Variants in CNTN4 observed in about 807,000 individuals in gnomAD.
The protein encoded by CNTN4 is contactin-4.
In CNTN4, 77 loss-of-function variants were observed where a neutral mutation model predicts 122.5. That is an observed-to-expected ratio of 0.63 (90% confidence interval 0.52 to 0.76). The LOEUF is 0.76. Among genes scored for constraint, CNTN4 ranks in the 30% least tolerant of loss-of-function variants. The probability of loss-of-function intolerance (pLI) is 0.00; values close to 1 mark genes in which losing one functional copy is unlikely to be tolerated. For missense variants in CNTN4, 1,256 were observed against 1,259.1 expected, an observed-to-expected ratio of 1.00 and a Z score of 0.04; for synonymous variants, 512 against 447.0, an observed-to-expected ratio of 1.15 and a Z score of -1.83.
At chr3:2,946,686 C>T (rs1035088140) in intron 13 of CNTN4, among the ~76,000 whole-genome samples, 3 of 148,382 alleles carry the variant, frequency 2.0e-5, no homozygotes, top group Admixed American at 6.9e-5. Context: ...CTGCAACAGA[C>T]AGCTTGCTTT....
At chr3:2,821,665 C>T (rs532567028) in intron 7 of CNTN4, among the ~76,000 whole-genome samples, 4 of 152,158 alleles carry the variant, frequency 2.6e-5, no homozygotes, top group South Asian at 2.1e-4. Context: ...AAAGGAACTA[C>T]GATGACTAAA....
intron 2 of CNTN4, among the ~76,000 whole-genome samples, chr3:2,117,052 C>T (rs1009819619): frequency 1.4e-4 from 22 of 152,212 alleles, no homozygotes; most frequent in Non-Finnish European, 3.1e-4. Context: ...AGTACTGACA[C>T]TCTCTACTTA....
chr3:2,152,891 C>T lies in CNTN4; in HGVS notation c.-145+52252C>T, dbSNP rs967388273. ...AAGAGCTTTCCTGGGGCAGACGTTG[C>T]CCTCTTAGCCTGGACCCCAAGTGAA... On this transcript the variant is annotated intron_variant, in intron 2 of 24. Transcript: ENST00000418658. Among the ~76,000 whole-genome samples, 11 of 152,274 alleles carry T rather than the reference C, an allele frequency of 7.2e-5. No homozygotes were observed. The East Asian group carries it at 2.1e-3, about 29-fold the overall frequency.
chr3:2,864,163 G>A (rs1050557421), intron 7 of CNTN4, among the ~76,000 whole-genome samples: 4 of 152,020 alleles, frequency 2.6e-5, no homozygotes, highest in African/African-American at 4.8e-5. Flanking sequence ...TCACATAATC[G>A]GTTGCTCACC....
chr3:2,495,544 A>G (rs1268473084), intron 3 of CNTN4, among the ~76,000 whole-genome samples: 1 of 152,168 alleles, frequency 6.6e-6, no homozygotes, highest in African/African-American at 2.4e-5. Flanking sequence ...GCCTGTTAGG[A>G]ACCTGGCTGC....
chr3:2,809,662 G>A (rs1019903156), intron 6 of CNTN4, among the ~76,000 whole-genome samples: 2 of 152,204 alleles, frequency 1.3e-5, no homozygotes, highest in Non-Finnish European at 2.9e-5. Context: ...TATGAGAAAA[G>A]AGATGAGCTC....
chr3:2,597,534 A>G (rs2080827552), intron 4 of CNTN4, among the ~76,000 whole-genome samples: 1 of 152,188 alleles, frequency 6.6e-6, no homozygotes, highest in South Asian at 2.1e-4. Flanking sequence ...GAGCTCTAGC[A>G]ACATGATGCA....
chr3:2,653,299 T>C (rs2083447387), intron 4 of CNTN4, among the ~76,000 whole-genome samples: 1 of 152,204 alleles, frequency 6.6e-6, no homozygotes, highest in Non-Finnish European at 1.5e-5. Context: ...TTTTAAATTC[T>C]CTTTTAAACT....
At chr3:2,735,542 G>C (rs1211434535) in intron 4 of CNTN4, among the ~76,000 whole-genome samples, 1 of 152,190 alleles carries the variant, frequency 6.6e-6, no homozygotes, top group African/African-American at 2.4e-5. Context: ...ACCTGTTATA[G>C]ACCAGTTTGG....
At chr3:2,407,083 C>A (rs900111656) in intron 3 of CNTN4, among the ~76,000 whole-genome samples, 1 of 152,164 alleles carries the variant, frequency 6.6e-6, no homozygotes, top group South Asian at 2.1e-4. Flanking sequence ...GTCTAACTCA[C>A]ATATTGAAGT....
At chr3:2,312,654 A>G (rs1412405444) in intron 2 of CNTN4, among the ~76,000 whole-genome samples, 1 of 152,148 alleles carries the variant, frequency 6.6e-6, no homozygotes, top group Non-Finnish European at 1.5e-5. Context: ...GCGTTTTGGA[A>G]TACTTGTGCT....
In CNTN4 at chr3:3,053,944, C is replaced by T. The variant is rs982190349; in HGVS notation, c.2949C>T (p.Ser983=). ...TCAGCGACGGAGGAGATGGCAGCAGCAGTGAACAAATTCGAATTCCAAAGA... is the reference window on the plus strand; with the variant it reads ...TCAGCGACGGAGGAGATGGCAGCAGTAGTGAACAAATTCGAATTCCAAAGA... ...KPFSDGGDGS[S]SEQIRIPKIS... The change falls in exon 24 of 25, where the codon AGC becomes AGT. Residue 983 remains serine, a synonymous_variant. Coordinates refer to ENST00000418658, the MANE Select transcript of CNTN4 (RefSeq NM_175607.3). 2 of 1,614,174 alleles carry T rather than the reference C, an allele frequency of 1.2e-6. No homozygotes were observed. Among genetic ancestry groups the T allele is most frequent in the Non-Finnish European group, 1.7e-6 (2 of 1,180,018 alleles).
At chr3:2,534,080 C>A (rs2077704624) in intron 3 of CNTN4, among the ~76,000 whole-genome samples, 2 of 151,900 alleles carry the variant, frequency 1.3e-5, no homozygotes, top group Admixed American at 6.6e-5. Context: ...ATGGTTGTTT[C>A]TTTTGTTGTG....
chr3:2,539,884 A>C (rs895847358), intron 3 of CNTN4, among the ~76,000 whole-genome samples: 3 of 152,030 alleles, frequency 2.0e-5, no homozygotes, highest in African/African-American at 7.2e-5. Flanking sequence ...CATACTATAA[A>C]ATGCCGGTGA....
chr3:2,913,359 T>C (rs1028972371), intron 12 of CNTN4, among the ~76,000 whole-genome samples: 5 of 152,160 alleles, frequency 3.3e-5, no homozygotes. Context: ...TTAAAAGATA[T>C]AGCTTGACTG....
intron 2 of CNTN4, among the ~76,000 whole-genome samples, chr3:2,129,977 C>G (rs182957841): frequency 6.6e-6 from 1 of 151,986 alleles, no homozygotes; most frequent in Admixed American, 6.6e-5. Context: ...GTTGCTTGCA[C>G]CCAAAACTAT....
chr3:2,930,253 A>G (rs1010017925), intron 13 of CNTN4, among the ~76,000 whole-genome samples: 11 of 152,146 alleles, frequency 7.2e-5, no homozygotes, highest in South Asian at 2.1e-4. Context: ...AGCGGTTTTA[A>G]TAAGGGAAAA....
intron 8 of CNTN4, among the ~76,000 whole-genome samples, chr3:2,879,346 T>G (rs148000729): frequency 1.2e-3 from 189 of 152,332 alleles, no homozygotes; most frequent in African/African-American, 4.2e-3. Flanking sequence ...TGTCAACACC[T>G]TTATTTATGA....
At chr3:2,819,175 T>G (rs1422378006) in intron 6 of CNTN4, among the ~76,000 whole-genome samples, 1 of 152,204 alleles carries the variant, frequency 6.6e-6, no homozygotes, top group Non-Finnish European at 1.5e-5. Context: ...AATCACTAAG[T>G]GCATGTGGCT....
Sources: allele counts gnomAD v4.1 joint callset (sites outside exome capture counted in the v4.1 genomes callset), GRCh38; gene constraint gnomAD v4.1.1; transcripts MANE v1.5; gene names NCBI Gene and HGNC (gene_info 2026-07-23, HGNC 2026-07-21).